Variants in PCNX1 observed in about 807,000 individuals in gnomAD.
PCNX1 encodes pecanex-like protein 1.
PCNX1 carries 78 observed loss-of-function variants against 242.2 expected under a neutral mutation model. That is an observed-to-expected ratio of 0.32 (90% CI 0.27 to 0.39). The LOEUF (loss-of-function observed/expected upper bound fraction) is 0.39, where lower values mean the gene tolerates loss of function less well. Among genes scored for constraint, PCNX1 ranks in the 10% least tolerant of loss-of-function variants. The probability of loss-of-function intolerance (pLI) is 1.00; values close to 1 mark genes in which losing one functional copy is unlikely to be tolerated. For synonymous variants in PCNX1, 1,024 were observed against 1,032.9 expected (o/e 0.99, Z 0.17); for missense variants, 2,581 against 2,856.5 (o/e 0.90, Z 2.20).
intron 28 of PCNX1, among the ~76,000 whole-genome samples, chr14:71,080,949 T>C (rs1368467081): frequency 2.6e-5 from 4 of 152,192 alleles, no homozygotes; most frequent in African/African-American, 9.7e-5. Context: ...CTTGTGCCGG[T>C]TTTCAAAGGG....
intron 18 of PCNX1, 28 bp from the exon 19 acceptor site, chr14:71,036,037 G>GT (rs2140977089): frequency 2.9e-6 from 4 of 1,391,948 alleles, no homozygotes; most frequent in Non-Finnish European, 4.0e-6. Context: ...TTATGTAATT[G>GT]TTTAATAATT....
chr14:71,039,884 A>C (rs1298613406), intron 19 of PCNX1, among the ~76,000 whole-genome samples: 1 of 152,186 alleles, frequency 6.6e-6, no homozygotes, highest in Middle Eastern at 3.2e-3. Context: ...TCTGTAGGGC[A>C]TGTAATTACC....
chr14:71,062,848 A>G lies in PCNX1; in HGVS notation c.4852+5124A>G, dbSNP rs143717355. ...GGCAAGTGCCCTATATAGATATACCATTTTTTATCTTTTTGCCATATTTTT... is the reference window on the plus strand; with the variant it reads ...GGCAAGTGCCCTATATAGATATACCGTTTTTTATCTTTTTGCCATATTTTT... On this transcript the variant is annotated intron_variant, in intron 26 of 35. Coordinates refer to ENST00000304743, the MANE Select transcript of PCNX1 (RefSeq NM_014982.3). Among the ~76,000 whole-genome samples, 1,293 of 152,076 alleles carry G rather than the reference A, an allele frequency of 8.5e-3. 21 individuals are homozygous for G. Among genetic ancestry groups the G allele is most frequent in the African/African-American group, 0.03 (1,246 of 41,472 alleles).
intron 15 of PCNX1, 45 bp downstream of exon 15, chr14:71,026,927 A>G (rs745547749): frequency 1.2e-6 from 1 of 834,514 alleles, no homozygotes; most frequent in Non-Finnish European, 2.0e-6. Flanking sequence ...TATTACCTTT[A>G]TAGATCATGA....
At chr14:70,944,902 C>G (rs1248398433) in intron 1 of PCNX1, among the ~76,000 whole-genome samples, 3 of 152,186 alleles carry the variant, frequency 2.0e-5, no homozygotes, top group Non-Finnish European at 4.4e-5. Flanking sequence ...GAAGCGGTGC[C>G]TTCTGCCATG....
rs139531970 is a variant in PCNX1, at chr14:70,940,749, C to A, written c.154-6166C>A. Among the ~76,000 whole-genome samples the A allele has an allele frequency of 1.3e-3, 200 of 152,338 alleles. 1 individual carries two copies. Among genetic ancestry groups the A allele is most frequent in the African/African-American group, 4.5e-3 (189 of 41,578 alleles). On this transcript the variant is annotated intron_variant, in intron 1 of 35. Coordinates refer to ENST00000304743, the MANE Select transcript of PCNX1 (RefSeq NM_014982.3). ...TCCAACTTGGTGCCATTCTCCCTGT[C>A]ACTTTCAGGTACACCAGTCAGACAT...
chr14:70,941,366 G>T (rs2057234218), intron 1 of PCNX1, among the ~76,000 whole-genome samples: 1 of 152,220 alleles, frequency 6.6e-6, no homozygotes, highest in African/African-American at 2.4e-5. Flanking sequence ...ACTCTCAGCT[G>T]CAGGTCTATT....
chr14:71,031,620 TC>T, intron 16 of PCNX1: 1 of 606,234 alleles, frequency 1.6e-6, no homozygotes, highest in Non-Finnish European at 3.1e-6. Flanking sequence ...GCAGCCCAGC[TC>T]TGCAGCTCAA....
intron 1 of PCNX1, among the ~76,000 whole-genome samples, chr14:70,942,050 A>T (rs2057271371): frequency 6.6e-6 from 1 of 152,164 alleles, no homozygotes; most frequent in African/African-American, 2.4e-5. Context: ...TTGGCTAGGA[A>T]AGGGAATTCT....
intron 1 of PCNX1, among the ~76,000 whole-genome samples, chr14:70,909,288 A>G (rs2055719878): frequency 6.6e-6 from 1 of 151,868 alleles, no homozygotes; most frequent in South Asian, 2.1e-4. Flanking sequence ...AGCCATTAAG[A>G]AATGCTGATG....
chr14:71,045,123 T>A lies in PCNX1; in HGVS notation c.3868-10T>A, dbSNP rs752035312. The A allele has an allele frequency of 2.7e-6, 4 of 1,482,606 alleles. No homozygotes were observed. The African/African-American group carries it at 4.3e-5, about 16-fold the overall frequency. The allele number at this position is 1,482,606 out of a possible 1,614,324, so 91.8% of individuals were successfully genotyped here. A position where few individuals can be genotyped will look rare whatever the true frequency, so the allele number is the denominator to read the frequency against. On this transcript the variant is annotated splice_polypyrimidine_tract_variant and intron_variant, in intron 19 of 35. Coordinates refer to ENST00000304743, the MANE Select transcript of PCNX1 (RefSeq NM_014982.3). ...ACTCCTAATTTTATCACTTCTATTA[T>A]TTTTTTTAGCCTGCCCTCAAGTATG...
intron 2 of PCNX1, among the ~76,000 whole-genome samples, chr14:70,953,664 CTT>C (rs33967128): frequency 0.55 from 62,473 of 114,516 alleles, 16,374 homozygotes; most frequent in South Asian, 0.66. Flanking sequence ...TTTTTTCTTT[CTT>C]TTTTTTTTTT....
At chr14:71,051,742 A>T in intron 23 of PCNX1, 141 bp from the exon 24 acceptor site, 1 of 742,794 alleles carries the variant, frequency 1.3e-6, no homozygotes, top group Non-Finnish European at 2.2e-6. Flanking sequence ...CTGCCCAGTG[A>T]TATACCTTCT....
At chr14:71,090,823 G>A (rs1439793684) in intron 30 of PCNX1, among the ~76,000 whole-genome samples, 5 of 152,090 alleles carry the variant, frequency 3.3e-5, no homozygotes, top group Non-Finnish European at 7.4e-5. Context: ...CAGCTTGTCC[G>A]AGATGAAACT....
At chr14:71,057,476 A>T in intron 25 of PCNX1, 33 bp from the exon 26 acceptor site, 1 of 1,429,890 alleles carries the variant, frequency 7.0e-7, no homozygotes, top group Non-Finnish European at 9.8e-7. Context: ...ACTTAAGGTT[A>T]AATTTAACTT....
intron 1 of PCNX1, among the ~76,000 whole-genome samples, chr14:70,915,241 A>G (rs996863456): frequency 2.0e-5 from 3 of 152,176 alleles, no homozygotes; most frequent in African/African-American, 7.2e-5. Flanking sequence ...ACATGAGGAT[A>G]GGTTTTATCA....
At chr14:71,032,596 A>G (rs1227671414) in intron 16 of PCNX1, among the ~76,000 whole-genome samples, 1 of 152,188 alleles carries the variant, frequency 6.6e-6, no homozygotes, top group East Asian at 1.9e-4. Context: ...TCCCAAGTCT[A>G]CTTTTAAGTG....
chr14:71,012,886 TTGAG>T (rs2059862158), intron 10 of PCNX1, 95 bp from the exon 11 acceptor site: 1 of 811,746 alleles, frequency 1.2e-6, no homozygotes, highest in Non-Finnish European at 2.0e-6. Context: ...GATAAGCTAA[TTGAG>T]TAACTGTTGA....
intron 16 of PCNX1, among the ~76,000 whole-genome samples, chr14:71,032,280 A>G (rs1005121263): frequency 2.0e-5 from 3 of 152,080 alleles, no homozygotes; most frequent in Non-Finnish European, 4.4e-5. Context: ...TTTCATATGT[A>G]TTTATCTCCC....
Sources: allele counts gnomAD v4.1 joint callset (sites outside exome capture counted in the v4.1 genomes callset), GRCh38; gene constraint gnomAD v4.1.1; transcripts MANE v1.5; gene names NCBI Gene and HGNC (gene_info 2026-07-23, HGNC 2026-07-21).